The following CYFIP1 variants were observed in gnomAD, a reference collection of about 807,000 sequenced individuals.
The protein encoded by CYFIP1 is cytoplasmic FMR1-interacting protein 1.
A neutral mutation model predicts 163.5 loss-of-function variants in CYFIP1; 58 were observed. The ratio of observed to expected loss-of-function variants is 0.35; its 90% CI spans 0.29 to 0.44. The LOEUF (loss-of-function observed/expected upper bound fraction) is 0.44, where lower values mean the gene tolerates loss of function less well. Among genes scored for constraint, CYFIP1 ranks in the 20% least tolerant of loss-of-function variants. The probability of loss-of-function intolerance (pLI) is 1.00; values close to 1 mark genes in which losing one functional copy is unlikely to be tolerated. For missense variants in CYFIP1, 1,338 were observed against 1,653.8 expected, an observed-to-expected ratio of 0.81 and a Z score of 3.31; for synonymous variants, 663 against 660.7, an observed-to-expected ratio of 1.00 and a Z score of -0.05.
chr15:22,913,549 AAAGAAAG>A (rs2060859814), intron 17 of CYFIP1, among the ~76,000 whole-genome samples: 2 of 139,774 alleles, frequency 1.4e-5, no homozygotes, highest in African/African-American at 3.0e-5. Flanking sequence ...AAAAAAAAAA[AAAGAAAG>A]AAAGAAAAAA....
intron 22 of CYFIP1, among the ~76,000 whole-genome samples, chr15:22,897,032 G>T (rs1296300570): frequency 6.6e-6 from 1 of 152,134 alleles, no homozygotes; most frequent in African/African-American, 2.4e-5. Flanking sequence ...GGCCAACATG[G>T]TGAAACCCCA....
rs548349003 is a variant in CYFIP1 at position 22,958,565 on chromosome 15, C to T, written c.-6-11274G>A. ...GCACGTCTCCACGCCACATGGCCTC[C>T]GCCCCCCACCTTGGGGCTGCAGCCC... is the stretch of plus-strand genomic sequence containing the variant. On this transcript the variant is annotated intron_variant, in intron 1 of 30. Transcript: ENST00000617928. Among the ~76,000 whole-genome samples the T allele has an allele frequency of 2.1e-4, 32 of 152,318 alleles. 2 individuals are homozygous for T. In the South Asian group the frequency reaches 6.0e-3, roughly 29 times the overall value.
chr15:22,942,722 T>G (rs949328986), intron 6 of CYFIP1, among the ~76,000 whole-genome samples: 1 of 152,102 alleles, frequency 6.6e-6, no homozygotes, highest in African/African-American at 2.4e-5. Flanking sequence ...GTCTGCACAT[T>G]GCTGGGATGG....
At chr15:22,890,331 A>C (rs991560106) in intron 23 of CYFIP1, among the ~76,000 whole-genome samples, 2 of 151,972 alleles carry the variant, frequency 1.3e-5, no homozygotes, top group Non-Finnish European at 2.9e-5. Context: ...AAAAAAGAAA[A>C]GTCAACTTCA....
At chr15:22,886,355 T>A (rs1007066642) in intron 23 of CYFIP1, among the ~76,000 whole-genome samples, 8 of 152,220 alleles carry the variant, frequency 5.3e-5, no homozygotes, top group Non-Finnish European at 1.2e-4. Context: ...AGACCCCTAC[T>A]GTGAGTATTC....
Position 22,917,670 on chromosome 15 carries a change from C to G in CYFIP1, c.1674+118G>C. On this transcript the variant is annotated intron_variant, in intron 15 of 30. Transcript: ENST00000617928. This position sits in a 1 kb window ranked among gnomAD's most constrained non-coding sequence, Gnocchi z 4.2. ...GCAGAAACCACAGGCGCCACTTTCT[C>G]TGCCTGAGCAGGCAGCGAGGACCTC... The G allele has an allele frequency of 7.9e-7, 1 of 1,266,534 alleles. No homozygotes were observed. The allele number at this position is 1,266,534 out of a possible 1,614,324, so 78.5% of individuals were successfully genotyped here.
At chr15:22,883,861 T>G (rs1800831533) in intron 23 of CYFIP1, among the ~76,000 whole-genome samples, 1 of 149,594 alleles carries the variant, frequency 6.7e-6, no homozygotes, top group Non-Finnish European at 1.5e-5. Flanking sequence ...GACTCACAGT[T>G]CCACATGGCT....
At chr15:22,935,990 G>C (rs1414737499) in intron 9 of CYFIP1, among the ~76,000 whole-genome samples, 1 of 152,186 alleles carries the variant, frequency 6.6e-6, no homozygotes, top group East Asian at 1.9e-4. Flanking sequence ...TAAAATGTAA[G>C]GCCAGGTGCA....
Position 22,903,823 on chromosome 15 carries a change from A to G in CYFIP1, c.2471T>C (p.Met824Thr), listed in dbSNP as rs1396047827. 2.5e-6 allele frequency: 4 copies of G among 1,614,088 alleles called. No individual in the cohort carries two copies. Among genetic ancestry groups the G allele is most frequent in the South Asian group, 1.1e-5 (1 of 91,096 alleles). The change falls in exon 22 of 31, where the codon ATG becomes ACG. Residue 824 changes from methionine to threonine, a missense_variant. Around this residue, in one of 4 missense-constraint regions of CYFIP1, gnomAD observed 824 missense variants for 995.7 expected, o/e 0.83. Transcript: ENST00000617928. ...CACGTTGTGGTTGGCCTCCCGGAAC[A>G]TGGCGTCGAAGCCGTCCAGCGTCAG... ...RYLTLDGFDA[M>T]FREANHNVSA...
chr15:22,936,200 T>G (rs946757454), intron 9 of CYFIP1, among the ~76,000 whole-genome samples: 1 of 152,016 alleles, frequency 6.6e-6, no homozygotes, highest in Non-Finnish European at 1.5e-5. Flanking sequence ...CAAGGCCTGC[T>G]ACACTCCAGC....
intron 1 of CYFIP1, among the ~76,000 whole-genome samples, chr15:22,960,796 G>A (rs1488824515): frequency 2.6e-5 from 4 of 152,166 alleles, no homozygotes; most frequent in African/African-American, 7.2e-5. Context: ...TGTGTTTGCA[G>A]ATGACTTTCC....
In CYFIP1 at chr15:22,868,184, G is replaced by C. The variant is rs1016428807; in HGVS notation, c.*1844C>G. On this transcript the variant is annotated 3_prime_UTR_variant, in exon 31 of 31. Transcript: ENST00000617928. ...TCCCTTTTTTCCAACTTTATTATTG[G>C]CCTTCTAAGGAGCTGTTTTAGATGT... is the stretch of plus-strand genomic sequence containing the variant. The C allele has an allele frequency of 6.6e-6, 1 of 152,176 alleles. No homozygotes were observed. The highest frequency in any genetic ancestry group is 1.5e-5 in the Non-Finnish European group (1 of 68,044). The allele number at this position is 152,176 out of a possible 1,614,324, so 9.4% of individuals were successfully genotyped here.
Position 22,964,553 on chromosome 15 carries a change from C to T in CYFIP1, c.-7+15734G>A, listed in dbSNP as rs563047220. ...CAGTTTCCCCTGCCCGGCAGCTCCC[C>T]GGGGAGTCGGGAACCAAGTGCAGCC... On this transcript the variant is annotated intron_variant, in intron 1 of 30. Transcript: ENST00000617928. 1.2e-3 allele frequency among the ~76,000 whole-genome samples: 189 copies of T among 152,196 alleles called. 2 individuals carry two copies. The highest frequency in any genetic ancestry group is 4.3e-3 in the African/African-American group (179 of 41,512).
intron 9 of CYFIP1, among the ~76,000 whole-genome samples, chr15:22,936,702 A>C (rs539983814): frequency 6.6e-6 from 1 of 152,264 alleles, no homozygotes; most frequent in African/African-American, 2.4e-5. Flanking sequence ...TGGACGCGCC[A>C]AAACTTGGGA....
intron 24 of CYFIP1, among the ~76,000 whole-genome samples, chr15:22,882,214 T>C (rs2068655): frequency 0.24 from 36,622 of 152,128 alleles, 4,514 homozygotes; most frequent in East Asian, 0.35. Flanking sequence ...TGTCGCCAGG[T>C]GTCTCCTATG....
At chr15:22,923,818 C>CTGTG (rs2061266848) in intron 13 of CYFIP1, among the ~76,000 whole-genome samples, 1 of 151,606 alleles carries the variant, frequency 6.6e-6, no homozygotes, top group South Asian at 2.1e-4. Flanking sequence ...TGGTTTGTGC[C>CTGTG]TGTGGTCCTA....
At chr15:22,928,892 A>G (rs556701514) in intron 11 of CYFIP1, among the ~76,000 whole-genome samples, 1 of 152,012 alleles carries the variant, frequency 6.6e-6, no homozygotes, top group Admixed American at 6.6e-5. Context: ...GAGGACCCTG[A>G]GCAGCTCTAA....
chr15:22,907,854 G>C (rs12908737), intron 21 of CYFIP1, among the ~76,000 whole-genome samples: 28,129 of 152,164 alleles, frequency 0.18, 2,830 homozygotes, highest in Admixed American at 0.28. Flanking sequence ...TGGCACACCT[G>C]AGTGGCAGGC....
intron 22 of CYFIP1, among the ~76,000 whole-genome samples, chr15:22,902,106 G>A (rs2060411531): frequency 6.6e-6 from 1 of 152,222 alleles, no homozygotes; most frequent in Non-Finnish European, 1.5e-5. Flanking sequence ...GGAAACAGGT[G>A]ACACACATGA....
Sources: gnomAD v4.1 joint callset for allele counts (sites outside exome capture counted in the v4.1 genomes callset) on GRCh38, gnomAD v4.1.1 for gene constraint, gnomAD v4.1.1 regional missense constraint, Gnocchi (gnomAD v3.1) non-coding constraint, MANE v1.5 for transcripts, NCBI Gene and HGNC (gene_info 2026-07-23, HGNC 2026-07-21) for gene names.